The following SLC24A2 variants were observed in gnomAD, a reference collection of about 807,000 sequenced individuals.
The protein encoded by SLC24A2 is sodium/potassium/calcium exchanger 2.
A neutral mutation model predicts 62.0 loss-of-function variants in SLC24A2; 36 were observed. That is an observed-to-expected ratio of 0.58 (90% CI 0.44 to 0.77). The LOEUF is 0.77. SLC24A2 is among the 30% of genes least tolerant of loss of function. The pLI, the probability that SLC24A2 is intolerant of heterozygous loss-of-function variation, is 0.00. For synonymous variants in SLC24A2, 358 were observed against 294.0 expected (o/e 1.22, Z -2.23); for missense variants, 846 against 817.9 (o/e 1.03, Z -0.42).
chr9:20,058,097 C>T, the SLC24A2 span, among the ~76,000 whole-genome samples: 1 of 152,178 alleles, frequency 6.6e-6, no homozygotes, highest in Non-Finnish European at 1.5e-5. Flanking sequence ...TGGCTCACAA[C>T]TAGAGATTTC....
At chr9:19,710,784 G>A (rs893000517) in intron 2 of SLC24A2, among the ~76,000 whole-genome samples, 1 of 152,102 alleles carries the variant, frequency 6.6e-6, no homozygotes. Flanking sequence ...GCCACAGGTC[G>A]AGAAAGACTA....
chr9:20,088,622 T>C, the SLC24A2 span, among the ~76,000 whole-genome samples: 1 of 152,194 alleles, frequency 6.6e-6, no homozygotes, highest in South Asian at 2.1e-4. Flanking sequence ...TTAGCTGTTG[T>C]TGTCTTTGGG....
the SLC24A2 span, among the ~76,000 whole-genome samples, chr9:19,969,183 CCACA>C: frequency 6.6e-3 from 807 of 122,266 alleles, 3 homozygotes; most frequent in Middle Eastern, 0.016. Context: ...ACCTCCTTTG[CCACA>C]CACACACACA....
rs544984761 is a variant in SLC24A2 at position 19,678,950 on chromosome 9, G to A, written c.931-56651C>T. 6.6e-5 allele frequency among the ~76,000 whole-genome samples: 10 copies of A among 152,326 alleles called. No homozygotes were observed. In the South Asian group the frequency reaches 8.3e-4, roughly 13 times the overall value. On this transcript the variant is annotated intron_variant, in intron 2 of 10. Coordinates refer to ENST00000341998, the MANE Select transcript of SLC24A2 (RefSeq NM_020344.4). ...CAGTCTGTGCTGTCACAAAAGACAC[G>A]CAAGTGAAGAAAGTAAAACTTATAC...
the SLC24A2 span, among the ~76,000 whole-genome samples, chr9:20,289,395 CCTT>C: frequency 6.6e-6 from 1 of 152,104 alleles, no homozygotes; most frequent in South Asian, 2.1e-4. Context: ...CACAGTCATA[CCTT>C]CTTCTCCATG....
intron 8 of SLC24A2, among the ~76,000 whole-genome samples, chr9:19,532,536 G>C (rs779433867): frequency 6.6e-6 from 1 of 152,136 alleles, no homozygotes; most frequent in African/African-American, 2.4e-5. Context: ...TTTTCAATCT[G>C]TGATTGTTTG....
At chr9:20,132,889 C>T in the SLC24A2 span, among the ~76,000 whole-genome samples, 1 of 152,140 alleles carries the variant, frequency 6.6e-6, no homozygotes, top group Non-Finnish European at 1.5e-5. Context: ...CAGGTTAGAT[C>T]TTACTAAGTG....
intron 2 of SLC24A2, among the ~76,000 whole-genome samples, chr9:19,748,739 C>T (rs1359840163): frequency 6.6e-6 from 1 of 152,012 alleles, no homozygotes; most frequent in Non-Finnish European, 1.5e-5. Flanking sequence ...AGACATCCTC[C>T]TGGCTTCCTG....
the SLC24A2 span, among the ~76,000 whole-genome samples, chr9:19,964,127 C>A: frequency 6.7e-6 from 1 of 148,160 alleles, no homozygotes; most frequent in East Asian, 2.0e-4. Context: ...GGACAAAAAA[C>A]CAAACACCGC....
the SLC24A2 span, among the ~76,000 whole-genome samples, chr9:20,240,030 C>A: frequency 2.0e-5 from 3 of 152,022 alleles, no homozygotes; most frequent in African/African-American, 7.3e-5. Context: ...CTAGGCTAAG[C>A]ATTTCAGGAG....
At chr9:19,911,881 T>C in the SLC24A2 span, among the ~76,000 whole-genome samples, 2 of 152,092 alleles carry the variant, frequency 1.3e-5, no homozygotes, top group African/African-American at 2.4e-5. Flanking sequence ...CATTTAAGGG[T>C]GAACTTGGGG....
chr9:20,006,491 A>C, the SLC24A2 span, among the ~76,000 whole-genome samples: 3 of 152,150 alleles, frequency 2.0e-5, no homozygotes, highest in Non-Finnish European at 2.9e-5. Flanking sequence ...GTAACACAAA[A>C]AAGGATAAAT....
chr9:19,536,137 C>G (rs1189365393), intron 8 of SLC24A2, among the ~76,000 whole-genome samples: 3 of 141,546 alleles, frequency 2.1e-5, no homozygotes, highest in Non-Finnish European at 4.6e-5. Context: ...ATTTGGCTCT[C>G]TGTTTGTCTT....
At chr9:20,222,650 T>C in the SLC24A2 span, among the ~76,000 whole-genome samples, 1 of 152,084 alleles carries the variant, frequency 6.6e-6, no homozygotes, top group Non-Finnish European at 1.5e-5. Flanking sequence ...ACGAGGTTTA[T>C]CTCAGGAATA....
the SLC24A2 span, among the ~76,000 whole-genome samples, chr9:20,105,166 C>T: frequency 2.6e-5 from 4 of 152,162 alleles, no homozygotes; most frequent in South Asian, 2.1e-4. Context: ...AATATATATG[C>T]ACCCAATACA....
chr9:19,977,113 TTGTGTG>T, the SLC24A2 span, among the ~76,000 whole-genome samples: 1,357 of 145,326 alleles, frequency 9.3e-3, 47 homozygotes, highest in East Asian at 0.09. Context: ...ATTTCTATAT[TTGTGTG>T]TGTGTGTGTG....
At chr9:20,069,049 T>C in the SLC24A2 span, among the ~76,000 whole-genome samples, 1 of 120,588 alleles carries the variant, frequency 8.3e-6, no homozygotes, top group African/African-American at 3.0e-5. Flanking sequence ...CTCCCAAAAC[T>C]ACTCTTGTTT....
chr9:19,563,174 T>C (rs1835487807), intron 7 of SLC24A2, among the ~76,000 whole-genome samples: 1 of 123,374 alleles, frequency 8.1e-6, no homozygotes, highest in African/African-American at 2.5e-5. Context: ...CTATTCAGCT[T>C]TGGCATCTCT....
chr9:19,630,593 G>A (rs1818153209), intron 2 of SLC24A2, among the ~76,000 whole-genome samples: 3 of 151,902 alleles, frequency 2.0e-5, no homozygotes, highest in South Asian at 4.2e-4. Flanking sequence ...TCTTCACCAC[G>A]TTTTAACTTC....
Sources: gnomAD v4.1 joint callset for allele counts (sites outside exome capture counted in the v4.1 genomes callset) on GRCh38, gnomAD v4.1.1 for gene constraint, MANE v1.5 for transcripts, NCBI Gene and HGNC (gene_info 2026-07-23, HGNC 2026-07-21) for gene names.